PABIR3: variants seen among roughly 807,000 people sequenced by gnomAD.
The protein encoded by PABIR3 is PABIR family member 1.
A neutral mutation model predicts 23.1 loss-of-function variants in PABIR3; 20 were observed. The observed-to-expected ratio is 0.86, with a 90% CI of 0.61 to 1.26. PABIR3 has a LOEUF of 1.26. Among genes scored for constraint, PABIR3 ranks in the 50% most tolerant of loss-of-function variants. The probability of loss-of-function intolerance (pLI) is 0.00; values close to 1 mark genes in which losing one functional copy is unlikely to be tolerated. For missense variants in PABIR3, 189 were observed against 195.4 expected (o/e 0.97, Z 0.20); for synonymous variants, 69 against 68.5 (o/e 1.01, Z -0.04).
At chrX:134,811,090 TC>T in intron 2 of PABIR3, 1 of 750,093 alleles carries the variant, frequency 1.3e-6, no homozygotes, top group South Asian at 6.8e-5. Flanking sequence ...TTTGTTTCTT[TC>T]ATATCAACTC....
At chrX:134,847,141 C>T (rs770967809) in intron 6 of PABIR3, among the ~76,000 whole-genome samples, 1 of 111,936 alleles carries the variant, frequency 8.9e-6, no homozygotes, top group South Asian at 3.7e-4. Flanking sequence ...CTAGGACTTT[C>T]TGGCATGCTG....
At chrX:134,841,953 C>T (rs1235123137) in intron 4 of PABIR3, among the ~76,000 whole-genome samples, 2 of 111,981 alleles carry the variant, frequency 1.8e-5, no homozygotes, top group Non-Finnish European at 3.8e-5. Flanking sequence ...CACCACTGCA[C>T]TCCAGCCTGT....
intron 4 of PABIR3, chrX:134,835,860 CG>C (rs1225825818): frequency 2.7e-5 from 3 of 111,147 alleles, no homozygotes; most frequent in African/African-American, 9.8e-5. Flanking sequence ...ATTTCTGAGA[CG>C]GAGTCTCGCT....
chrX:134,796,911 G>T (rs1201880239), intron 1 of PABIR3: 1 of 111,355 alleles, frequency 9.0e-6, no homozygotes, highest in African/African-American at 3.3e-5. Flanking sequence ...CCCCATGCTC[G>T]GGGACCCGGT....
chrX:134,814,841 C>G lies in PABIR3; in HGVS notation c.181C>G (p.Arg61Gly), dbSNP rs201102053. 1 of 1,191,593 alleles carries G rather than the reference C, an allele frequency of 8.4e-7. No homozygotes were observed. Among genetic ancestry groups the G allele is most frequent in the East Asian group, 3.0e-5 (1 of 33,387 alleles). Residue 61 changes from arginine to glycine, a missense_variant, in exon 3 of 11, where the codon CGC becomes GGC. By Grantham distance (125) the Arg-to-Gly change is moderately radical. Coordinates refer to ENST00000645433, the MANE Select transcript of PABIR3 (RefSeq NM_001388447.1). ...RTNRTTFRNR[R>G]SLLLPPPPFH... Reference sequence around the variant, plus strand: ...AAACAGAACAACATTTAGGAATCGACGCTCTCTGGTAAGGAAATGCTTATA... The same window carrying G: ...AAACAGAACAACATTTAGGAATCGAGGCTCTCTGGTAAGGAAATGCTTATA...
At chrX:134,822,513 T>C in intron 3 of PABIR3, 5 of 754,114 alleles carry the variant, frequency 6.6e-6, no homozygotes, top group Non-Finnish European at 7.8e-6. Flanking sequence ...TCCCTGCTGG[T>C]GTCATCAATT....
intron 1 of PABIR3, among the ~76,000 whole-genome samples, chrX:134,797,387 T>C (rs2079918662): frequency 8.8e-6 from 1 of 113,231 alleles, no homozygotes; most frequent in Non-Finnish European, 1.9e-5. Context: ...TTGAAAATGC[T>C]GGAGCATCAG....
downstream of PABIR3, among the ~76,000 whole-genome samples, chrX:134,855,995 G>A (rs975887741): frequency 9.0e-6 from 1 of 111,319 alleles, no homozygotes; most frequent in African/African-American, 3.3e-5. Flanking sequence ...AGGTTCACAT[G>A]TACTATTGAC....
intron 4 of PABIR3, among the ~76,000 whole-genome samples, chrX:134,844,886 C>T (rs1454406407): frequency 8.9e-6 from 1 of 111,855 alleles, no homozygotes; most frequent in East Asian, 2.8e-4. Context: ...TCCTAGTAGA[C>T]CTTTAAAAAG....
At chrX:134,805,641 T>G (rs1226116012), upstream of PABIR3, among the ~76,000 whole-genome samples, 1 of 112,041 alleles carries the variant, frequency 8.9e-6, no homozygotes. Context: ...CTCATACCTG[T>G]AATCCCAGCA....
chrX:134,802,112 C>T (rs1028861818), intron 1 of PABIR3, among the ~76,000 whole-genome samples: 8 of 106,935 alleles, frequency 7.5e-5, no homozygotes, highest in Non-Finnish European at 1.5e-4. Context: ...GAGATGGAAT[C>T]TCGCTTTGTC....
chrX:134,796,869 G>C (rs1479393976), intron 1 of PABIR3: 3 of 112,042 alleles, frequency 2.7e-5, no homozygotes, highest in Non-Finnish European at 5.7e-5. Context: ...AGTCGGGTAG[G>C]ACCCGGCCGG....
chrX:134,853,040 C>CT, intron 10 of PABIR3, 144 bp downstream of exon 10: 3 of 333,530 alleles, frequency 9.0e-6, no homozygotes, highest in Non-Finnish European at 1.5e-5. Context: ...CAAGTGGATA[C>CT]TATAAACCTG....
In PABIR3 at chrX:134,854,532, A is replaced by G. The variant is rs769127657; in HGVS notation, c.*315A>G. ...AGAAAATGCTGTACCTTGACTTTTT[A>G]AAATAATCTTATGAAACATAATTCT... On this transcript the variant is annotated 3_prime_UTR_variant, in exon 11 of 11. Coordinates refer to ENST00000645433, the MANE Select transcript of PABIR3 (RefSeq NM_001388447.1). 17 of 175,794 alleles carry G rather than the reference A, an allele frequency of 9.7e-5. No individual in the cohort carries two copies. The highest frequency in any genetic ancestry group is 1.7e-4 in the Non-Finnish European group (16 of 95,218). The allele number at this position is 175,794 out of a possible 1,213,427, so 14.5% of individuals were successfully genotyped here. A position where few individuals can be genotyped will look rare whatever the true frequency, so the allele number is the denominator to read the frequency against.
At chrX:134,828,071 GTA>G (rs2081603376) in intron 3 of PABIR3, among the ~76,000 whole-genome samples, 1 of 48,327 alleles carries the variant, frequency 2.1e-5, no homozygotes, top group African/African-American at 6.7e-5. Flanking sequence ...ATATATATAT[GTA>G]TATTTGTAAA....
chrX:134,797,252 G>A (rs1010674023), intron 1 of PABIR3: 1 of 113,772 alleles, frequency 8.8e-6, no homozygotes, highest in African/African-American at 3.2e-5. Flanking sequence ...GGCACGGAGC[G>A]TGCGTGGGAG....
downstream of PABIR3, among the ~76,000 whole-genome samples, chrX:134,855,382 C>T (rs1487310242): frequency 1.8e-5 from 2 of 108,277 alleles, no homozygotes; most frequent in African/African-American, 6.7e-5. Context: ...TGCAGTGAGC[C>T]GAGATCATGC....
chrX:134,857,967 T>C (rs115413671), downstream of PABIR3, among the ~76,000 whole-genome samples: 133 of 111,606 alleles, frequency 1.2e-3, no homozygotes, highest in African/African-American at 4.1e-3. Flanking sequence ...AGATACCTTA[T>C]CTGTCTTCAA....
chrX:134,807,852 C>T (rs887279750), intron 2 of PABIR3, 144 bp downstream of exon 2: 11 of 633,607 alleles, frequency 1.7e-5, no homozygotes, highest in Non-Finnish European at 2.3e-5. Flanking sequence ...ATCCCACCCT[C>T]AACCTTGGGT....
Sources: allele counts gnomAD v4.1 joint callset (sites outside exome capture counted in the v4.1 genomes callset), GRCh38; gene constraint gnomAD v4.1.1; transcripts MANE v1.5; gene names NCBI Gene and HGNC (gene_info 2026-07-23, HGNC 2026-07-21).